Variants in ZNF568 observed in about 807,000 individuals in gnomAD.
ZNF568 encodes p53 inhibitor of SCO2 activation.
In ZNF568, 11 loss-of-function variants were observed where a neutral mutation model predicts 18.1. The ratio of observed to expected loss-of-function variants is 0.61; its 90% confidence interval spans 0.38 to 1.00. The LOEUF is 1.00. Among genes scored for constraint, ZNF568 ranks in the 50% least tolerant of loss-of-function variants. ZNF568 has a pLI of 0.01. For synonymous variants in ZNF568, 213 were observed against 246.6 expected (o/e 0.86, Z 1.28); for missense variants, 639 against 768.2 (o/e 0.83, Z 1.99).
chr19:36,971,577 G>A (rs866960857), intron 6 of ZNF568, among the ~76,000 whole-genome samples: 1 of 151,714 alleles, frequency 6.6e-6, no homozygotes, highest in Non-Finnish European at 1.5e-5. Context: ...TATTGCCCAA[G>A]TGCCTATGTT....
In ZNF568 at chr19:36,951,170, G is replaced by GA. The variant is rs1311861166; in HGVS notation, c.*87dup. 1.5e-6 allele frequency: 2 copies of GA among 1,369,880 alleles called. No homozygotes were observed. Among genetic ancestry groups the GA allele is most frequent in the Non-Finnish European group, 1.9e-6 (2 of 1,035,190 alleles). 84.9% of individuals were successfully genotyped at this position (1,369,880 alleles called of 1,614,324 possible). ...GCTCAAAAAAGCCAGGATCTTTATG[G>GA]AAAAATTTTAATACTTTGTTAAAAG... On this transcript the variant is annotated 3_prime_UTR_variant, in exon 7 of 7. Transcript: ENST00000333987.
At chr19:36,965,220 T>C (rs2074185619) in intron 6 of ZNF568, among the ~76,000 whole-genome samples, 1 of 152,142 alleles carries the variant, frequency 6.6e-6, no homozygotes, top group African/African-American at 2.4e-5. Flanking sequence ...AGCTCCACAC[T>C]CATGGGTGGG....
chr19:36,982,568 A>T (rs1237221230), downstream of ZNF568, among the ~76,000 whole-genome samples: 3 of 151,986 alleles, frequency 2.0e-5, no homozygotes, highest in African/African-American at 7.2e-5. Context: ...TAGCCGAGCG[A>T]GGTGGCAGGT....
rs549031 is a variant in ZNF568 at position 36,949,837 on chromosome 19, A to G, written c.684A>G (p.Gly228=). 7,307 of 1,613,988 alleles carry G rather than the reference A, an allele frequency of 4.5e-3. 291 individuals are homozygous for G. The African/African-American group carries it at 0.085, about 19-fold the overall frequency. ...VVTPFKCNQC[G]QDFSHKFDLI... is the part of the protein sequence containing the mutation. ...CCCCCTTTAAGTGTAATCAGTGTGG[A>G]CAAGACTTCAGTCATAAATTTGACC... The change falls in exon 7 of 7, where the codon GGA becomes GGG. Residue 228 remains glycine (G), a synonymous_variant. Coordinates refer to ENST00000333987, the MANE Select transcript of ZNF568 (RefSeq NM_198539.4).
At chr19:36,920,389 G>A (rs995892803) in intron 2 of ZNF568, among the ~76,000 whole-genome samples, 5 of 152,048 alleles carry the variant, frequency 3.3e-5, no homozygotes, top group South Asian at 4.1e-4. Context: ...TTGGGAGGCC[G>A]AGGCGGGTGG....
intron 6 of ZNF568, among the ~76,000 whole-genome samples, chr19:36,971,727 C>T (rs2547055): frequency 0.36 from 54,485 of 151,808 alleles, 10,040 homozygotes; most frequent in African/African-American, 0.41. Context: ...TTAGGAGAGA[C>T]GAGGTTTCAC....
downstream of ZNF568, among the ~76,000 whole-genome samples, chr19:36,954,117 A>G (rs567692180): frequency 6.6e-6 from 1 of 152,030 alleles, no homozygotes; most frequent in Non-Finnish European, 1.5e-5. Flanking sequence ...CTAGCTACTC[A>G]GGAGGCTGAG....
At chr19:36,975,560 AT>A (rs911062934) in intron 7 of ZNF568, among the ~76,000 whole-genome samples, 3 of 146,604 alleles carry the variant, frequency 2.0e-5, no homozygotes, top group Non-Finnish European at 4.5e-5. Flanking sequence ...TAATTTTTCT[AT>A]TTTTAGTAGA....
intron 4 of ZNF568, among the ~76,000 whole-genome samples, chr19:36,993,822 A>G (rs2074445837): frequency 6.6e-6 from 1 of 152,012 alleles, no homozygotes; most frequent in Non-Finnish European, 1.5e-5. Context: ...AAGATTTGCC[A>G]ATTCTGTTGA....
downstream of ZNF568, chr19:36,980,424 T>C (rs1344864699): frequency 6.6e-6 from 1 of 152,168 alleles, no homozygotes; most frequent in African/African-American, 2.4e-5. Context: ...AAAAGGCCAT[T>C]GTAAAGGATT....
chr19:36,917,121 T>C (rs943666024), intron 1 of ZNF568, among the ~76,000 whole-genome samples: 1 of 152,218 alleles, frequency 6.6e-6, no homozygotes, highest in African/African-American at 2.4e-5. Context: ...CTTACTCTCC[T>C]GTTCACAGGC....
intron 7 of ZNF568, among the ~76,000 whole-genome samples, chr19:36,974,705 G>T (rs1356064128): frequency 1.3e-5 from 2 of 152,068 alleles, no homozygotes. Flanking sequence ...CAACAGTGTT[G>T]ACAGAGAACA....
intron 4 of ZNF568, among the ~76,000 whole-genome samples, chr19:36,935,543 G>C (rs1245508930): frequency 7.1e-6 from 1 of 141,648 alleles, no homozygotes; most frequent in Non-Finnish European, 1.5e-5. Context: ...CTAGGCGACA[G>C]ACTGAGACTC....
At chr19:36,938,692 T>C (rs1342216820) in intron 6 of ZNF568, among the ~76,000 whole-genome samples, 3 of 152,224 alleles carry the variant, frequency 2.0e-5, no homozygotes, top group African/African-American at 7.2e-5. Flanking sequence ...TACAGACAGT[T>C]ACCTGAGGGA....
chr19:36,984,379 C>T (rs2074357705), downstream of ZNF568, among the ~76,000 whole-genome samples: 1 of 151,898 alleles, frequency 6.6e-6, no homozygotes, highest in African/African-American at 2.4e-5. Context: ...TAGTGGTTAC[C>T]TTGAAAATTT....
intron 2 of ZNF568, among the ~76,000 whole-genome samples, chr19:36,921,133 A>G (rs1305549405): frequency 6.6e-6 from 1 of 152,160 alleles, no homozygotes; most frequent in African/African-American, 2.4e-5. Flanking sequence ...TTGCAAAGTG[A>G]TGCGTGACTG....
chr19:36,981,160 A>C (rs1294128781), downstream of ZNF568, among the ~76,000 whole-genome samples: 1 of 152,164 alleles, frequency 6.6e-6, no homozygotes, highest in African/African-American at 2.4e-5. Flanking sequence ...ATGTTTGTCT[A>C]TTCTGGGCTC....
At chr19:36,980,237 CTTTAA>C (rs1394019422), downstream of ZNF568, 1 of 152,150 alleles carries the variant, frequency 6.6e-6, no homozygotes, top group East Asian at 1.9e-4. Flanking sequence ...ATGCTGTTTT[CTTTAA>C]TTTATTTACA....
At chr19:36,964,883 C>T (rs545139972) in intron 6 of ZNF568, among the ~76,000 whole-genome samples, 6 of 152,214 alleles carry the variant, frequency 3.9e-5, no homozygotes, top group African/African-American at 1.4e-4. Flanking sequence ...AGATGACAAC[C>T]ATGTCCCCTG....
Sources: gnomAD v4.1 joint callset for allele counts (sites outside exome capture counted in the v4.1 genomes callset) on GRCh38, gnomAD v4.1.1 for gene constraint, MANE v1.5 for transcripts, NCBI Gene and HGNC (gene_info 2026-07-23, HGNC 2026-07-21) for gene names.